Variants in PINX1 observed in about 807,000 individuals in gnomAD.
The protein encoded by PINX1 is PIN2 (TERF1) interacting telomerase inhibitor 1, also known as PIN2/TERF1-interacting telomerase inhibitor 1.
In PINX1, 34 loss-of-function variants were observed where a neutral mutation model predicts 25.4. The observed-to-expected ratio is 1.34, with a 90% confidence interval of 1.02 to 1.78. The LOEUF (loss-of-function observed/expected upper bound fraction) is 1.78, where lower values mean the gene tolerates loss of function less well. PINX1 is among the 40% of genes most tolerant of loss of function. The pLI is 0.00. For missense variants in PINX1, 592 were observed against 404.9 expected, an observed-to-expected ratio of 1.46 and a Z score of -3.97; for synonymous variants, 197 against 147.7, an observed-to-expected ratio of 1.33 and a Z score of -2.42.
intron 6 of PINX1, among the ~76,000 whole-genome samples, chr8:10,798,669 A>G (rs1439110267): frequency 2.6e-5 from 4 of 152,254 alleles, no homozygotes; most frequent in East Asian, 3.9e-4. Context: ...CTCCTCCTCA[A>G]TTACTTTTGC....
At chr8:10,818,841 TGA>T (rs1421407391) in intron 6 of PINX1, among the ~76,000 whole-genome samples, 3 of 152,190 alleles carry the variant, frequency 2.0e-5, no homozygotes, top group African/African-American at 7.2e-5. Flanking sequence ...CGGAGACGAC[TGA>T]GAGAGTCAAG....
chr8:10,821,979 G>C (rs1370372212), intron 5 of PINX1: 9 of 152,254 alleles, frequency 5.9e-5, no homozygotes, highest in African/African-American at 2.2e-4. Context: ...CAAGCTGGTA[G>C]AGACAGTAAG....
chr8:10,771,403 T>C (rs1194515304), intron 6 of PINX1: 2 of 152,262 alleles, frequency 1.3e-5, no homozygotes, highest in Non-Finnish European at 2.9e-5. Context: ...ACTGCTTCCT[T>C]CCACAAGTCC....
chr8:10,771,770 T>A (rs1586130705), intron 6 of PINX1, among the ~76,000 whole-genome samples: 1 of 152,164 alleles, frequency 6.6e-6, no homozygotes, highest in Non-Finnish European at 1.5e-5. Context: ...AAGAAGAGAA[T>A]CAGCATTTTG....
intron 6 of PINX1, among the ~76,000 whole-genome samples, chr8:10,812,333 C>T (rs10091961): frequency 0.2 from 29,867 of 152,158 alleles, 3,081 homozygotes; most frequent in East Asian, 0.34. Flanking sequence ...CAAGTCAAGA[C>T]TTAAACCTTC....
intron 6 of PINX1, among the ~76,000 whole-genome samples, chr8:10,783,149 T>C (rs1801645476): frequency 6.6e-6 from 1 of 152,218 alleles, no homozygotes; most frequent in South Asian, 2.1e-4. Context: ...TAAAGAAAAC[T>C]GAAATTTATG....
intron 4 of PINX1, among the ~76,000 whole-genome samples, chr8:10,828,561 G>A (rs957218354): frequency 6.6e-6 from 1 of 152,192 alleles, no homozygotes; most frequent in East Asian, 1.9e-4. Context: ...GCACCACGCC[G>A]TGCCCTCACA....
chr8:10,832,846 A>G (rs1468593977), intron 3 of PINX1, 46 bp downstream of exon 3: 1 of 1,121,084 alleles, frequency 8.9e-7, no homozygotes, highest in Admixed American at 1.8e-5. Flanking sequence ...TACAAGACTG[A>G]AGCCAATTAT....
At chr8:10,832,791 C>T in intron 3 of PINX1, 101 bp downstream of exon 3, 3 of 658,014 alleles carry the variant, frequency 4.6e-6, no homozygotes, top group South Asian at 1.9e-5. Flanking sequence ...AAAAGAAGTG[C>T]TGCACCAATG....
chr8:10,809,343 G>T (rs1254443647), intron 6 of PINX1, among the ~76,000 whole-genome samples: 1 of 152,214 alleles, frequency 6.6e-6, no homozygotes, highest in Non-Finnish European at 1.5e-5. Context: ...TAGCCTTCCT[G>T]TTTCTGAAGA....
At chr8:10,777,655 C>A (rs571487139) in intron 6 of PINX1, among the ~76,000 whole-genome samples, 32 of 152,118 alleles carry the variant, frequency 2.1e-4, no homozygotes, top group Non-Finnish European at 3.5e-4. Context: ...GGTTTGGTCC[C>A]CCCAAAATTG....
intron 6 of PINX1, among the ~76,000 whole-genome samples, chr8:10,772,705 G>C (rs1395357299): frequency 6.6e-6 from 1 of 152,230 alleles, no homozygotes; most frequent in African/African-American, 2.4e-5. Flanking sequence ...ATTGACTGAA[G>C]AGAGTTGTGA....
chr8:10,803,422 CT>C (rs1366744382), intron 6 of PINX1, among the ~76,000 whole-genome samples: 2 of 152,196 alleles, frequency 1.3e-5, no homozygotes, highest in Non-Finnish European at 2.9e-5. Context: ...TAAATAAAGC[CT>C]ACACTAGCGC....
chr8:10,806,982 G>A (rs1802471525), intron 6 of PINX1, among the ~76,000 whole-genome samples: 1 of 152,190 alleles, frequency 6.6e-6, no homozygotes, highest in Non-Finnish European at 1.5e-5. Flanking sequence ...TCTGCAAACA[G>A]CTTCCAAATG....
chr8:10,834,852 CTT>C (rs138828851), intron 1 of PINX1, 77 bp from the exon 2 acceptor site: 176,534 of 926,018 alleles, frequency 0.19, 19,707 homozygotes, highest in Non-Finnish European at 0.22. Context: ...ACATGCACAA[CTT>C]TGTGTATTTT....
chr8:10,781,080 C>T (rs919212516), intron 6 of PINX1, among the ~76,000 whole-genome samples: 3 of 152,066 alleles, frequency 2.0e-5, no homozygotes, highest in Non-Finnish European at 4.4e-5. Context: ...TTGACAAGAG[C>T]ATGAAGAAGA....
intron 6 of PINX1, among the ~76,000 whole-genome samples, chr8:10,766,526 G>A (rs1801054225): frequency 6.6e-6 from 1 of 152,324 alleles, no homozygotes; most frequent in East Asian, 1.9e-4. Flanking sequence ...AGGGAGGGCA[G>A]AGTGGAGACT....
chr8:10,765,230 A>C lies in PINX1; in HGVS notation c.*171T>G. The C allele has an allele frequency of 3.4e-6, 2 of 581,742 alleles. No individual in the cohort carries two copies. The highest frequency in any genetic ancestry group is 5.9e-6 in the Non-Finnish European group (2 of 340,524). The allele number at this position is 581,742 out of a possible 1,614,324, so 36.0% of individuals were successfully genotyped here. A position where few individuals can be genotyped will look rare whatever the true frequency, so the allele number is the denominator to read the frequency against. On this transcript the variant is annotated 3_prime_UTR_variant, in exon 7 of 7. Coordinates refer to ENST00000314787, the MANE Select transcript of PINX1 (RefSeq NM_017884.6). The stretch of plus-strand genomic sequence containing the variant: ...GAACATTAAAAAGGTCCTCCTGGGA[A>C]TGTAACTTGGGGGAAATGTGGCGAG...
intron 3 of PINX1, 92 bp downstream of exon 3, chr8:10,832,800 T>C (rs1215119149): frequency 5.8e-6 from 4 of 690,514 alleles, no homozygotes; most frequent in East Asian, 2.7e-5. Flanking sequence ...GCTGCACCAA[T>C]GGTCAGAAGC....
Sources: gnomAD v4.1 joint callset for allele counts (sites outside exome capture counted in the v4.1 genomes callset) on GRCh38, gnomAD v4.1.1 for gene constraint, MANE v1.5 for transcripts, NCBI Gene and HGNC (gene_info 2026-07-23, HGNC 2026-07-21) for gene names.